AP4S1: variants seen among roughly 807,000 people sequenced by gnomAD.
AP4S1 encodes the protein AP-4 complex subunit sigma-1.
A neutral mutation model predicts 19.8 loss-of-function variants in AP4S1; 23 were observed. The ratio of observed to expected loss-of-function variants is 1.16; its 90% confidence interval spans 0.84 to 1.65. The LOEUF is 1.65. Ranked by LOEUF, AP4S1 falls within the 40% of genes most tolerant of loss-of-function variation. AP4S1 has a pLI of 0.00. For synonymous variants in AP4S1, 46 were observed against 54.1 expected (o/e 0.85, Z 0.66); for missense variants, 166 against 172.8 (o/e 0.96, Z 0.22).
At chr14:31,026,366 T>G in intron 1 of AP4S1, 1 of 234,116 alleles carries the variant, frequency 4.3e-6, no homozygotes, top group Non-Finnish European at 6.5e-6. Context: ...GCCATTACAA[T>G]CCCTCCTCCA....
intron 1 of AP4S1, chr14:31,027,057 TA>T (rs1209391535): frequency 6.6e-6 from 1 of 151,974 alleles, no homozygotes; most frequent in African/African-American, 2.4e-5. Context: ...TCGCCCGTCG[TA>T]ACTTATTCCA....
intron 4 of AP4S1, among the ~76,000 whole-genome samples, chr14:31,074,559 G>A (rs910233551): frequency 6.6e-6 from 1 of 151,902 alleles, no homozygotes; most frequent in Non-Finnish European, 1.5e-5. Flanking sequence ...GCGGGCGCCT[G>A]TAGTACCAGC....
At chr14:31,035,715 AT>A (rs58246498) in intron 1 of AP4S1, among the ~76,000 whole-genome samples, 1 of 140,258 alleles carries the variant, frequency 7.1e-6, no homozygotes, top group African/African-American at 2.7e-5. Flanking sequence ...AGACCAGGTT[AT>A]TTTTTTTATT....
At chr14:31,084,977 A>G in intron 5 of AP4S1, 1 of 1,583,810 alleles carries the variant, frequency 6.3e-7, no homozygotes. Flanking sequence ...GTGAAGGTAC[A>G]GAAAACCTCC....
At chr14:31,062,527 C>G (rs1041023274) in intron 1 of AP4S1, among the ~76,000 whole-genome samples, 5 of 152,222 alleles carry the variant, frequency 3.3e-5, no homozygotes, top group African/African-American at 4.8e-5. Flanking sequence ...GTACATACCT[C>G]CTTGCACATT....
chr14:31,059,506 A>G (rs1419224942), intron 1 of AP4S1, among the ~76,000 whole-genome samples: 1 of 152,192 alleles, frequency 6.6e-6, no homozygotes, highest in Non-Finnish European at 1.5e-5. Context: ...GTTGAAATCC[A>G]AGGTATAGAA....
At position 31,093,285 on chromosome 14, in the gene AP4S1, G is replaced by A. The variant is rs533578688; in HGVS notation, c.*250G>A. On this transcript the variant is annotated 3_prime_UTR_variant, in exon 6 of 6. Coordinates refer to ENST00000542754, the MANE Select transcript of AP4S1 (RefSeq NM_001128126.3). ...TTATTTTCTAATTGTAAACATATCT[G>A]TCGCACTTTAAATTCTGTTGAGCAC... 2 of 303,782 alleles carry A rather than the reference G, an allele frequency of 6.6e-6. No homozygotes were observed. Among genetic ancestry groups the A allele is most frequent in the South Asian group, 9.6e-5 (2 of 20,762 alleles). The allele number at this position is 303,782 out of a possible 1,614,324, so 18.8% of individuals were successfully genotyped here.
intron 1 of AP4S1, among the ~76,000 whole-genome samples, chr14:31,034,099 A>G (rs1771947137): frequency 6.6e-6 from 1 of 152,250 alleles, no homozygotes; most frequent in African/African-American, 2.4e-5. Context: ...TAATAATTTA[A>G]CAGGCTTGGT....
Position 31,093,207 on chromosome 14 carries a change from G to T in AP4S1, c.*172G>T. 1.7e-6 allele frequency: 1 copy of T among 581,692 alleles called. No individual in the cohort carries two copies. Among genetic ancestry groups the T allele is most frequent in the Non-Finnish European group, 2.7e-6 (1 of 370,156 alleles). 36.0% of individuals were successfully genotyped at this position (581,692 alleles called of 1,614,324 possible). On this transcript the variant is annotated 3_prime_UTR_variant, in exon 6 of 6. Transcript: ENST00000542754. ...CAGTTCCTAAAAAGAAAACACAACT[G>T]TACTTTAAAATATGTACAAAGAAAA...
intron 1 of AP4S1, among the ~76,000 whole-genome samples, chr14:31,039,790 C>T (rs1227527571): frequency 6.6e-6 from 1 of 151,238 alleles, no homozygotes; most frequent in Admixed American, 6.6e-5. Flanking sequence ...GGGGTTTCAC[C>T]GTGTTAGCCA....
intron 1 of AP4S1, among the ~76,000 whole-genome samples, chr14:31,059,241 G>C (rs1886299424): frequency 6.6e-6 from 1 of 152,168 alleles, no homozygotes; most frequent in South Asian, 2.1e-4. Context: ...GTCTTTAGAA[G>C]CCTTCATTTA....
intron 5 of AP4S1, among the ~76,000 whole-genome samples, chr14:31,091,523 C>T (rs1381294695): frequency 1.3e-5 from 2 of 150,068 alleles, no homozygotes; most frequent in Non-Finnish European, 1.5e-5. Context: ...ATCAGAATAA[C>T]GCTTTTTTTT....
chr14:31,074,826 T>TC (rs141148836), intron 4 of AP4S1, among the ~76,000 whole-genome samples: 72,952 of 151,588 alleles, frequency 0.48, 17,953 homozygotes, highest in Admixed American at 0.6. Flanking sequence ...CCCCTCATTA[T>TC]CCCCTCCACC....
intron 1 of AP4S1, among the ~76,000 whole-genome samples, chr14:31,064,314 T>C (rs1024386371): frequency 2.6e-5 from 4 of 151,974 alleles, no homozygotes; most frequent in Non-Finnish European, 5.9e-5. Flanking sequence ...AGTGGCACAA[T>C]CTCAGCTCAC....
intron 1 of AP4S1, among the ~76,000 whole-genome samples, chr14:31,035,479 C>T (rs1351123282): frequency 6.6e-6 from 1 of 151,848 alleles, no homozygotes; most frequent in Non-Finnish European, 1.5e-5. Flanking sequence ...GTGTAAGCAA[C>T]CACGCCCAGC....
intron 1 of AP4S1, among the ~76,000 whole-genome samples, chr14:31,028,980 T>A (rs1884221263): frequency 6.6e-6 from 1 of 152,198 alleles, no homozygotes; most frequent in Admixed American, 6.5e-5. Flanking sequence ...AACTGGTAAC[T>A]TGAGCTTAAG....
intron 5 of AP4S1, among the ~76,000 whole-genome samples, chr14:31,081,799 A>T (rs1168284705): frequency 6.6e-6 from 1 of 151,694 alleles, no homozygotes; most frequent in Non-Finnish European, 1.5e-5. Flanking sequence ...TTTTGCCAGA[A>T]ATATTAAGTG....
intron 1 of AP4S1, among the ~76,000 whole-genome samples, chr14:31,059,957 ATG>A (rs1204236806): frequency 4.8e-5 from 7 of 144,792 alleles, no homozygotes; most frequent in African/African-American, 1.5e-4. Context: ...TTATTTATTT[ATG>A]TATATATATG....
intron 5 of AP4S1, among the ~76,000 whole-genome samples, chr14:31,088,677 A>G (rs1163659093): frequency 6.6e-6 from 1 of 151,892 alleles, no homozygotes; most frequent in Non-Finnish European, 1.5e-5. Context: ...GCGTGGTGGC[A>G]CGCACCAGTA....
Sources: gnomAD v4.1 joint callset for allele counts (sites outside exome capture counted in the v4.1 genomes callset) on GRCh38, gnomAD v4.1.1 for gene constraint, MANE v1.5 for transcripts, NCBI Gene and HGNC (gene_info 2026-07-23, HGNC 2026-07-21) for gene names.